TSGA10: variants seen among roughly 807,000 people sequenced by gnomAD.
TSGA10 encodes testis specific 10, also known as testis-specific gene 10 protein.
Under a neutral mutation model 96.6 loss-of-function variants are expected in TSGA10, and 43 were observed. That is an observed-to-expected ratio of 0.44 (90% CI 0.35 to 0.57). The LOEUF is 0.57. Among genes scored for constraint, TSGA10 ranks in the 20% least tolerant of loss-of-function variants. TSGA10 has a pLI of 0.01. For synonymous variants in TSGA10, 229 were observed against 269.9 expected (o/e 0.85, Z 1.48); for missense variants, 703 against 834.4 (o/e 0.84, Z 1.94).
At chr2:99,060,650 A>G (rs2084581649) in intron 16 of TSGA10, among the ~76,000 whole-genome samples, 2 of 152,192 alleles carry the variant, frequency 1.3e-5, no homozygotes, top group African/African-American at 4.8e-5. Context: ...CATTTGAGGA[A>G]AGAACACATT....
intron 10 of TSGA10, among the ~76,000 whole-genome samples, chr2:99,091,301 C>T (rs1353703869): frequency 6.6e-6 from 1 of 152,130 alleles, no homozygotes; most frequent in Non-Finnish European, 1.5e-5. Flanking sequence ...CCTCAATATA[C>T]ATCAAACAGA....
intron 4 of TSGA10, among the ~76,000 whole-genome samples, chr2:99,115,648 G>A (rs1470446069): frequency 1.3e-5 from 2 of 152,114 alleles, no homozygotes; most frequent in African/African-American, 2.4e-5. Context: ...GGGAGGCCAA[G>A]GTGGGCGGAT....
intron 1 of TSGA10, among the ~76,000 whole-genome samples, chr2:99,134,571 CT>C (rs2093245814): frequency 6.6e-6 from 1 of 152,118 alleles, no homozygotes; most frequent in African/African-American, 2.4e-5. Flanking sequence ...CTTCTGAAGC[CT>C]ACTTCTGTCA....
intron 1 of TSGA10, among the ~76,000 whole-genome samples, chr2:99,146,043 G>C (rs554940736): frequency 6.6e-6 from 1 of 152,270 alleles, no homozygotes; most frequent in South Asian, 2.1e-4. Flanking sequence ...AGCACTTTAG[G>C]AGGCCAAGGA....
chr2:99,026,723 CAAAGCAGCTCTTTTA>C (rs1470749586), intron 17 of TSGA10, among the ~76,000 whole-genome samples: 1 of 152,070 alleles, frequency 6.6e-6, no homozygotes, highest in East Asian at 1.9e-4. Context: ...ACGCCCGGCC[CAAAGCAGCTCTTTTA>C]AATATGTTCA....
At position 99,154,721 on chromosome 2, in the gene TSGA10, T is replaced by C. The variant is rs2093730627; in HGVS notation, c.-649A>G. 2 of 250,008 alleles carry C rather than the reference T, an allele frequency of 8.0e-6. No homozygotes were observed. The highest frequency in any genetic ancestry group is 1.6e-5 in the Non-Finnish European group (2 of 122,918). The allele number at this position is 250,008 out of a possible 1,614,324, so 15.5% of individuals were successfully genotyped here. ...CGCCCAGGGCTGGCCGTTATCTCTG[T>C]GCTGTCACGCGGGGAAGTCCCATCT... On this transcript the variant is annotated 5_prime_UTR_variant, in exon 1 of 21. Coordinates refer to ENST00000393483, the MANE Select transcript of TSGA10 (RefSeq NM_025244.4).
At chr2:99,098,646 T>C (rs2090366486) in intron 10 of TSGA10, among the ~76,000 whole-genome samples, 1 of 151,752 alleles carries the variant, frequency 6.6e-6, no homozygotes, top group Non-Finnish European at 1.5e-5. Flanking sequence ...TGTTGGTCTT[T>C]GGAAAAAACT....
intron 16 of TSGA10, among the ~76,000 whole-genome samples, chr2:99,059,980 C>T (rs1462510893): frequency 6.7e-6 from 1 of 149,656 alleles, no homozygotes; most frequent in Non-Finnish European, 1.5e-5. Context: ...AGATGAAACA[C>T]TGAGTCCTAT....
chr2:99,026,800 T>C (rs2080626221), intron 17 of TSGA10, among the ~76,000 whole-genome samples: 1 of 152,128 alleles, frequency 6.6e-6, no homozygotes. Context: ...CATAAATGGA[T>C]GAATTGATAA....
chr2:99,022,745 A>AT (rs2080159486), intron 17 of TSGA10, among the ~76,000 whole-genome samples: 1 of 152,176 alleles, frequency 6.6e-6, no homozygotes, highest in Admixed American at 6.5e-5. Context: ...AATTTTTAAC[A>AT]TTTTGAGGAA....
At chr2:99,116,704 T>C (rs1255893305) in intron 4 of TSGA10, among the ~76,000 whole-genome samples, 1 of 152,038 alleles carries the variant, frequency 6.6e-6, no homozygotes, top group East Asian at 1.9e-4. Context: ...AAAAAAAAGA[T>C]TGGCAAATTT....
At chr2:99,092,499 GAA>G (rs1188089853) in intron 10 of TSGA10, among the ~76,000 whole-genome samples, 11 of 152,042 alleles carry the variant, frequency 7.2e-5, no homozygotes, top group Non-Finnish European at 1.6e-4. Context: ...CCAGTTCTTT[GAA>G]AAGATAAGTA....
At chr2:99,100,915 T>A (rs1574351485) in intron 10 of TSGA10, among the ~76,000 whole-genome samples, 3 of 112,214 alleles carry the variant, frequency 2.7e-5, no homozygotes, top group Admixed American at 9.2e-5. Context: ...GGTACAAAAA[T>A]ATTTTCTCAG....
intron 10 of TSGA10, among the ~76,000 whole-genome samples, chr2:99,095,523 A>G (rs2104723515): frequency 6.6e-6 from 1 of 152,316 alleles, no homozygotes; most frequent in African/African-American, 2.4e-5. Flanking sequence ...CAGATACAAA[A>G]AAGTATATAC....
intron 20 of TSGA10, among the ~76,000 whole-genome samples, chr2:99,005,036 A>T: frequency 6.6e-6 from 1 of 152,246 alleles, no homozygotes. Context: ...AACCAAAGAC[A>T]AAAACCACAT....
At chr2:99,068,480 C>T (rs1323606146) in intron 15 of TSGA10, among the ~76,000 whole-genome samples, 2 of 152,116 alleles carry the variant, frequency 1.3e-5, no homozygotes, top group African/African-American at 2.4e-5. Flanking sequence ...TGAGGAGAAC[C>T]ATCTGCCTTG....
At chr2:99,152,858 G>A (rs565257689) in intron 1 of TSGA10, among the ~76,000 whole-genome samples, 1 of 152,244 alleles carries the variant, frequency 6.6e-6, no homozygotes, top group South Asian at 2.1e-4. Flanking sequence ...GAAAGAGTGA[G>A]TTCAGGAGCA....
At position 99,154,827 on chromosome 2, in the gene TSGA10, G is replaced by A. The variant is rs1007401909; in HGVS notation, c.-755C>T. 4 of 332,412 alleles carry A rather than the reference G, an allele frequency of 1.2e-5. No individual in the cohort carries two copies. Among genetic ancestry groups the A allele is most frequent in the African/African-American group, 2.2e-5 (1 of 45,062 alleles). The allele number at this position is 332,412 out of a possible 1,614,324, so 20.6% of individuals were successfully genotyped here. A position where few individuals can be genotyped will look rare whatever the true frequency, so the allele number is the denominator to read the frequency against. ...CCTGGAACCTGGTTCCCGCCCTGAA[G>A]GACCCTTACTTAGCACTCCTGCGGG... is the stretch of plus-strand genomic sequence containing the variant. On this transcript the variant is annotated 5_prime_UTR_variant, in exon 1 of 21. Transcript: ENST00000393483.
At chr2:99,033,857 A>G (rs909280444) in intron 17 of TSGA10, among the ~76,000 whole-genome samples, 2 of 152,048 alleles carry the variant, frequency 1.3e-5, no homozygotes, top group African/African-American at 4.8e-5. Context: ...AAAAAAGCCA[A>G]ACTGGAATTA....
Sources: allele counts gnomAD v4.1 joint callset (sites outside exome capture counted in the v4.1 genomes callset), GRCh38; gene constraint gnomAD v4.1.1; transcripts MANE v1.5; gene names NCBI Gene and HGNC (gene_info 2026-07-23, HGNC 2026-07-21).